FTO: variants seen among roughly 807,000 people sequenced by gnomAD.
FTO encodes alpha-ketoglutarate-dependent dioxygenase FTO.
A neutral mutation model predicts 63.9 loss-of-function variants in FTO; 47 were observed. That is an observed-to-expected ratio of 0.74 (90% CI 0.58 to 0.94). FTO has a LOEUF of 0.94. FTO is among the 40% of genes least tolerant of loss of function. The pLI, the probability that FTO is intolerant of heterozygous loss-of-function variation, is 0.00. For synonymous variants in FTO, 207 were observed against 224.4 expected, an observed-to-expected ratio of 0.92 and a Z score of 0.69; for missense variants, 562 against 618.1, an observed-to-expected ratio of 0.91 and a Z score of 0.96.
chr16:53,911,635 A>G (rs2081709347), intron 7 of FTO, among the ~76,000 whole-genome samples: 1 of 152,242 alleles, frequency 6.6e-6, no homozygotes, highest in South Asian at 2.1e-4. Flanking sequence ...AGTGCACTGT[A>G]GCCAGACATG....
intron 8 of FTO, among the ~76,000 whole-genome samples, chr16:54,013,826 T>C (rs1258161117): frequency 6.6e-6 from 1 of 152,234 alleles, no homozygotes; most frequent in Non-Finnish European, 1.5e-5. Context: ...ATAATTTTTA[T>C]ATGCACTGGG....
At chr16:54,037,299 C>T (rs146551016) in intron 8 of FTO, among the ~76,000 whole-genome samples, 156 of 152,314 alleles carry the variant, frequency 1.0e-3, no homozygotes, top group African/African-American at 3.6e-3. Flanking sequence ...ATGTGGCACA[C>T]ATCCAATGTA....
intron 8 of FTO, among the ~76,000 whole-genome samples, chr16:54,107,851 T>C (rs1249363502): frequency 6.6e-6 from 1 of 152,244 alleles, no homozygotes; most frequent in African/African-American, 2.4e-5. Context: ...ATCCTAATTG[T>C]TCATAGGCCA....
chr16:54,094,360 C>A (rs1690823512), intron 8 of FTO, among the ~76,000 whole-genome samples: 1 of 152,180 alleles, frequency 6.6e-6, no homozygotes, highest in South Asian at 2.1e-4. Context: ...GCTAGCAGCA[C>A]CGCAAAAACT....
intron 1 of FTO, among the ~76,000 whole-genome samples, chr16:53,711,074 A>C (rs552852477): frequency 2.0e-5 from 3 of 151,596 alleles, no homozygotes; most frequent in African/African-American, 7.3e-5. Flanking sequence ...ATACAGTAAA[A>C]ATAAACATTG....
At chr16:53,784,863 T>C (rs2151668211) in intron 1 of FTO, among the ~76,000 whole-genome samples, 1 of 152,270 alleles carries the variant, frequency 6.6e-6, no homozygotes. Flanking sequence ...ACGAACTCAG[T>C]TCATTTACCT....
At chr16:53,731,332 G>A (rs1402792133) in intron 1 of FTO, among the ~76,000 whole-genome samples, 1 of 152,114 alleles carries the variant, frequency 6.6e-6, no homozygotes, top group African/African-American at 2.4e-5. Context: ...TCCAGGTGGG[G>A]GCCTGAGAAC....
intron 7 of FTO, among the ~76,000 whole-genome samples, chr16:53,894,168 C>A (rs1349022725): frequency 6.6e-6 from 1 of 152,070 alleles, no homozygotes; most frequent in Non-Finnish European, 1.5e-5. Flanking sequence ...AAAGGTTGTG[C>A]CTGACAAGTT....
chr16:54,091,675 C>T (rs952382033), intron 8 of FTO, among the ~76,000 whole-genome samples: 11 of 152,178 alleles, frequency 7.2e-5, no homozygotes, highest in Non-Finnish European at 1.0e-4. Flanking sequence ...AACCCTTCTA[C>T]GTCATTGGAT....
intron 8 of FTO, among the ~76,000 whole-genome samples, chr16:53,934,324 T>G (rs1270082999): frequency 6.6e-6 from 1 of 152,254 alleles, no homozygotes; most frequent in Non-Finnish European, 1.5e-5. Context: ...TTACACAATT[T>G]GTTCCCAAAT....
intron 8 of FTO, among the ~76,000 whole-genome samples, chr16:53,955,639 G>C (rs2082911958): frequency 6.6e-6 from 1 of 152,226 alleles, no homozygotes; most frequent in Admixed American, 6.5e-5. Flanking sequence ...TTTCCACTGT[G>C]TGGCCAGTGC....
intron 8 of FTO, among the ~76,000 whole-genome samples, chr16:54,020,010 G>A (rs1110490): frequency 0.52 from 79,522 of 151,968 alleles, 23,277 homozygotes; most frequent in African/African-American, 0.79. Flanking sequence ...AAAATTATCT[G>A]GCTTATAGTT....
intron 8 of FTO, among the ~76,000 whole-genome samples, chr16:53,963,816 G>A (rs890122162): frequency 9.9e-5 from 15 of 152,130 alleles, no homozygotes; most frequent in Admixed American, 1.3e-4. Flanking sequence ...GCAGTAGCAC[G>A]ATCTTAGCTC....
chr16:53,880,456 A>T (rs1409094441), intron 6 of FTO, among the ~76,000 whole-genome samples: 3 of 152,202 alleles, frequency 2.0e-5, no homozygotes, highest in African/African-American at 7.2e-5. Flanking sequence ...GAGTCTCCGT[A>T]TTTTTGTGTT....
At chr16:53,714,499 A>T (rs1049125787) in intron 1 of FTO, among the ~76,000 whole-genome samples, 3 of 150,150 alleles carry the variant, frequency 2.0e-5, no homozygotes, top group Non-Finnish European at 4.5e-5. Flanking sequence ...TGCTGATGAA[A>T]TTTTTTTTTT....
intron 1 of FTO, among the ~76,000 whole-genome samples, chr16:53,731,798 AC>A (rs1406479638): frequency 7.0e-6 from 1 of 142,076 alleles, no homozygotes; most frequent in Non-Finnish European, 1.5e-5. Context: ...CCCAGGCTGG[AC>A]TGCAGTGGCA....
rs564951879 is a variant in FTO, at chr16:53,966,166, T to G, written c.1364+32057T>G. On this transcript the variant is annotated intron_variant, in intron 8 of 8. Transcript: ENST00000471389. ...TACAGGTGTGAGCCACCATGGCAGC[T>G]GTAATTTTGAAACTTAATGAGGATG... is the stretch of plus-strand genomic sequence containing the variant. Among the ~76,000 whole-genome samples, 3 of 152,260 alleles carry G rather than the reference T, an allele frequency of 2.0e-5. No individual in the cohort carries two copies. In the South Asian group the frequency reaches 6.2e-4, roughly 32 times the overall value.
At chr16:53,839,819 A>ATTTAT (rs753670237) in intron 3 of FTO, among the ~76,000 whole-genome samples, 40 of 55,432 alleles carry the variant, frequency 7.2e-4, no homozygotes, top group African/African-American at 1.8e-3. Context: ...TTATTTATTT[A>ATTTAT]TTTTAAGGTG....
chr16:53,972,667 A>T (rs1280517660), intron 8 of FTO, among the ~76,000 whole-genome samples: 1 of 152,224 alleles, frequency 6.6e-6, no homozygotes, highest in Non-Finnish European at 1.5e-5. Context: ...ATGTTGGTGG[A>T]TAAAGCCTGC....
Sources: gnomAD v4.1 joint callset for allele counts (sites outside exome capture counted in the v4.1 genomes callset) on GRCh38, gnomAD v4.1.1 for gene constraint, MANE v1.5 for transcripts, NCBI Gene and HGNC (gene_info 2026-07-23, HGNC 2026-07-21) for gene names.